DYSF: variants seen among roughly 807,000 people sequenced by gnomAD.
The protein encoded by DYSF is dystrophy-associated fer-1-like 1.
A neutral mutation model predicts 274.9 loss-of-function variants in DYSF; 212 were observed. That is an observed-to-expected ratio of 0.77 (90% CI 0.69 to 0.86). The LOEUF (loss-of-function observed/expected upper bound fraction) is 0.86. Among genes scored for constraint, DYSF ranks in the 40% least tolerant of loss-of-function variants. The pLI is 0.00. For missense variants in DYSF, 2,666 were observed against 2,783.2 expected (o/e 0.96, Z 0.95); for synonymous variants, 1,091 against 1,078.7 (o/e 1.01, Z -0.22).
chr2:71,650,188 A>C (rs1019421205), intron 42 of DYSF, among the ~76,000 whole-genome samples: 2 of 152,200 alleles, frequency 1.3e-5, no homozygotes, highest in African/African-American at 4.8e-5. Context: ...GGAGACAAAA[A>C]TGTCAGAGGA....
chr2:71,488,556 G>T (rs1284267810), intron 3 of DYSF, among the ~76,000 whole-genome samples: 1 of 152,080 alleles, frequency 6.6e-6, no homozygotes, highest in East Asian at 1.9e-4. Context: ...AATACCACAG[G>T]CGACACCTTA....
At chr2:71,625,374 A>G (rs2094190709) in intron 41 of DYSF, among the ~76,000 whole-genome samples, 1 of 152,158 alleles carries the variant, frequency 6.6e-6, no homozygotes, top group Admixed American at 6.5e-5. Flanking sequence ...ATTGTGAGGT[A>G]GAGTTTTTTT....
intron 1 of DYSF, among the ~76,000 whole-genome samples, chr2:71,467,338 TTTCATTCA>T (rs143817784): frequency 9.9e-5 from 15 of 151,914 alleles, no homozygotes; most frequent in African/African-American, 3.4e-4. Context: ...TTGTGTCTTT[TTTCATTCA>T]TTCATTCATT....
At chr2:71,618,708 G>GGT (rs1258096001) in intron 40 of DYSF, among the ~76,000 whole-genome samples, 41 of 149,392 alleles carry the variant, frequency 2.7e-4, no homozygotes, top group Admixed American at 4.7e-4. Context: ...TGGTAGAGAT[G>GGT]GTGTGTGTGG....
intron 22 of DYSF, among the ~76,000 whole-genome samples, chr2:71,556,418 C>T (rs2091344922): frequency 6.6e-6 from 1 of 152,186 alleles, no homozygotes; most frequent in African/African-American, 2.4e-5. Context: ...CTCATTCCCT[C>T]AAGGCCATGT....
chr2:71,600,979 C>A, intron 34 of DYSF, 137 bp downstream of exon 34: 1 of 1,095,608 alleles, frequency 9.1e-7, no homozygotes, highest in Non-Finnish European at 1.3e-6. Flanking sequence ...TAAGTCAGGA[C>A]ACCATCTAAC....
At position 71,539,181 on chromosome 2, in the gene DYSF, C is replaced by G. The variant is rs34387018; in HGVS notation, c.1518C>G (p.Ile506Met). 2 of 1,614,070 alleles carry G rather than the reference C, an allele frequency of 1.2e-6. No individual in the cohort carries two copies. Among genetic ancestry groups the G allele is most frequent in the South Asian group, 1.1e-5 (1 of 91,078 alleles). Reference protein sequence around the residue: ...IDWDRLTHNDIVATTYLSMSK... With the variant: ...IDWDRLTHNDMVATTYLSMSK... ...GGGACCGCCTGACTCACAATGACAT[C>G]GTGGCTACCACCTACCTGAGTATGT... The change falls in exon 17 of 56, where the codon ATC (isoleucine) becomes ATG (methionine). Residue 506 changes from isoleucine (I) to methionine (M), a missense_variant. By Grantham distance (10) the Ile-to-Met change is conservative (BLOSUM62 1). Transcript: ENST00000410020.
chr2:71,620,461 A>G, intron 40 of DYSF, 86 bp from the exon 41 acceptor site: 2 of 1,407,276 alleles, frequency 1.4e-6, no homozygotes, highest in South Asian at 1.2e-5. Flanking sequence ...GTGCCTGGTC[A>G]GAGAGCGCTA....
In DYSF at chr2:71,591,365, A is replaced by G. The variant is rs1221779703; in HGVS notation, c.3574+1077A>G. Among the ~76,000 whole-genome samples the G allele has an allele frequency of 9.8e-5, 15 of 152,296 alleles. No homozygotes were observed. The East Asian group carries it at 2.9e-3, about 29-fold the overall frequency. ...CCTCTGCACAGATCAACAGTGGTCT[A>G]TCTCTGCCATCTCCTTCCTGCTCTG... On this transcript the variant is annotated intron_variant, in intron 32 of 55. Transcript: ENST00000410020.
At chr2:71,574,154 C>G (rs752867465) in intron 29 of DYSF, 44 bp from the exon 30 acceptor site, 2 of 1,606,022 alleles carry the variant, frequency 1.2e-6, no homozygotes, top group Non-Finnish European at 1.7e-6. Context: ...GAACTCCCCC[C>G]AGCCTTCCCA....
intron 4 of DYSF, among the ~76,000 whole-genome samples, chr2:71,505,241 G>T (rs1157344141): frequency 6.6e-6 from 1 of 152,234 alleles, no homozygotes; most frequent in Admixed American, 6.5e-5. Context: ...CTGGGACCTG[G>T]GCTGGCTGCA....
intron 3 of DYSF, among the ~76,000 whole-genome samples, chr2:71,495,433 G>A (rs1378542577): frequency 6.6e-6 from 1 of 152,200 alleles, no homozygotes; most frequent in African/African-American, 2.4e-5. Flanking sequence ...ATAGTTGAGA[G>A]AAAGAACATT....
chr2:71,660,675 T>C, intron 45 of DYSF, 24 bp downstream of exon 45: 1 of 1,601,770 alleles, frequency 6.2e-7, no homozygotes, highest in Non-Finnish European at 8.6e-7. Flanking sequence ...TCTTGGGTCT[T>C]GGGGTGGAGG....
intron 22 of DYSF, among the ~76,000 whole-genome samples, chr2:71,558,920 C>A (rs932302783): frequency 1.3e-5 from 2 of 152,150 alleles, no homozygotes; most frequent in South Asian, 2.1e-4. Context: ...CCTCTCACTG[C>A]AGTGCTGAGC....
chr2:71,506,412 G>A (rs890391430), intron 4 of DYSF, among the ~76,000 whole-genome samples: 10 of 152,160 alleles, frequency 6.6e-5, no homozygotes, highest in Non-Finnish European at 1.2e-4. Context: ...AGGTTACCCT[G>A]CTCCAGGGCA....
At chr2:71,651,605 C>T (rs1271395912) in intron 42 of DYSF, among the ~76,000 whole-genome samples, 1 of 151,974 alleles carries the variant, frequency 6.6e-6, no homozygotes, top group Non-Finnish European at 1.5e-5. Context: ...AATTCCTGTG[C>T]TATATGTAGT....
rs147267526 is a variant in DYSF at position 71,651,939 on chromosome 2, A to G, written c.4627-4223A>G. ...TGAAAAGCATTCAATAAAGTTTAAT[A>G]TCTATTGATGATTTATAAGATCAAG... On this transcript the variant is annotated intron_variant, in intron 42 of 55. Transcript: ENST00000410020. Among the ~76,000 whole-genome samples the G allele has an allele frequency of 6.1e-4, 93 of 152,354 alleles. 2 individuals are homozygous for G. In the East Asian group the frequency reaches 0.018, roughly 29 times the overall value.
At chr2:71,627,374 C>G (rs529815816) in intron 41 of DYSF, among the ~76,000 whole-genome samples, 1 of 151,884 alleles carries the variant, frequency 6.6e-6, no homozygotes, top group South Asian at 2.1e-4. Context: ...TTGGAAGTTA[C>G]TAACTTATAT....
chr2:71,647,872 T>C (rs2094591408), intron 42 of DYSF, among the ~76,000 whole-genome samples: 1 of 152,268 alleles, frequency 6.6e-6, no homozygotes, highest in Admixed American at 6.5e-5. Flanking sequence ...CCATGAAATA[T>C]AAATGTTACA....
Sources: gnomAD v4.1 joint callset for allele counts (sites outside exome capture counted in the v4.1 genomes callset) on GRCh38, gnomAD v4.1.1 for gene constraint, MANE v1.5 for transcripts, NCBI Gene and HGNC (gene_info 2026-07-23, HGNC 2026-07-21) for gene names.